Variants in MTUS2 observed in about 807,000 individuals in gnomAD.
MTUS2 encodes microtubule-associated tumor suppressor candidate 2.
MTUS2 carries 40 observed loss-of-function variants against 114.1 expected under a neutral mutation model. That is an observed-to-expected ratio of 0.35 (90% CI 0.27 to 0.46). The LOEUF (loss-of-function observed/expected upper bound fraction) is 0.46. Ranked by LOEUF, MTUS2 falls within the 20% of genes least tolerant of loss-of-function variation. The pLI is 1.00. For synonymous variants in MTUS2, 688 were observed against 672.0 expected (o/e 1.02, Z -0.37); for missense variants, 1,679 against 1,705.4 (o/e 0.98, Z 0.27).
intron 2 of MTUS2, among the ~76,000 whole-genome samples, chr13:29,009,563 C>T (rs952444835): frequency 1.3e-5 from 2 of 151,868 alleles, no homozygotes; most frequent in East Asian, 3.9e-4. Context: ...GCTAGTGGCT[C>T]GGGGAGAATA....
At chr13:28,887,041 G>C (rs1878631504) in intron 2 of MTUS2, among the ~76,000 whole-genome samples, 1 of 152,206 alleles carries the variant, frequency 6.6e-6, no homozygotes, top group South Asian at 2.1e-4. Context: ...TGTTGACAAC[G>C]TGAGGTTCGA....
intron 10 of MTUS2, chr13:29,487,568 C>T (rs1881715552): frequency 3.5e-6 from 1 of 286,422 alleles, no homozygotes; most frequent in Non-Finnish European, 6.6e-6. Context: ...TTTTCTTTTC[C>T]TTTGCCGTCA....
intron 4 of MTUS2, among the ~76,000 whole-genome samples, chr13:29,036,499 G>A (rs895481231): frequency 4.6e-5 from 7 of 152,172 alleles, no homozygotes; most frequent in African/African-American, 1.7e-4. Context: ...GATTGGGGTG[G>A]AGAGTTCTGT....
intron 15 of MTUS2, 96 bp downstream of exon 15, chr13:29,501,290 C>T: frequency 1.1e-6 from 1 of 891,580 alleles, no homozygotes; most frequent in South Asian, 1.5e-5. Context: ...GTGAGTCTTT[C>T]CCCACAGTCT....
Position 29,503,255 on chromosome 13 carries a change from CACCCTGAGGGAGCACCG to C in MTUS2, c.*54_*70del, listed in dbSNP as rs1883028387. The C allele has an allele frequency of 6.3e-7, 1 of 1,595,810 alleles. No individual in the cohort carries two copies. Among genetic ancestry groups the C allele is most frequent in the African/African-American group, 1.3e-5 (1 of 74,674 alleles). The stretch of plus-strand genomic sequence containing the variant: ...CTCCGGCTTCTCGTCCTCCGGTCTC[CACCCTGAGGGAGCACCG>C]ACCCGGTGCCGCCGGAGCTGGCCCT... On this transcript the variant is annotated 3_prime_UTR_variant, in exon 16 of 16. Coordinates refer to ENST00000612955, the MANE Select transcript of MTUS2 (RefSeq NM_001033602.4).
chr13:29,343,164 G>A (rs4310714), intron 7 of MTUS2, among the ~76,000 whole-genome samples: 122,355 of 151,878 alleles, frequency 0.81, 50,311 homozygotes, highest in East Asian at 0.9. Flanking sequence ...TAGGGTGATA[G>A]TGGCTTCATA....
chr13:29,048,100 T>C (rs1223383411), intron 4 of MTUS2, among the ~76,000 whole-genome samples: 2 of 152,246 alleles, frequency 1.3e-5, no homozygotes, highest in African/African-American at 2.4e-5. Context: ...CTATCATTAA[T>C]GCTGCTATGA....
intron 4 of MTUS2, among the ~76,000 whole-genome samples, chr13:29,056,135 TCCTATGTGCAGAATGG>T (rs1437544052): frequency 6.6e-6 from 1 of 151,984 alleles, no homozygotes; most frequent in African/African-American, 2.4e-5. Context: ...CTTTGCCAGG[TCCTATGTGCAGAATGG>T]CATTTCCTCC....
chr13:29,253,044 T>C (rs1211088907), intron 5 of MTUS2, among the ~76,000 whole-genome samples: 1 of 151,806 alleles, frequency 6.6e-6, no homozygotes, highest in East Asian at 1.9e-4. Flanking sequence ...TAAAGGTGTC[T>C]CTTTGGGACT....
At chr13:29,389,165 T>G (rs186535869) in intron 8 of MTUS2, among the ~76,000 whole-genome samples, 3 of 149,674 alleles carry the variant, frequency 2.0e-5, no homozygotes, top group Admixed American at 1.3e-4. Flanking sequence ...CCAAAGATTG[T>G]TTTGACTATA....
intron 8 of MTUS2, among the ~76,000 whole-genome samples, chr13:29,408,258 G>T: frequency 6.6e-6 from 1 of 151,504 alleles, no homozygotes; most frequent in Non-Finnish European, 1.5e-5. Flanking sequence ...CCCTAAACAG[G>T]GCATAATGAT....
rs1281136677 is a variant in MTUS2, at chr13:29,148,483, T to C, written c.2644+47513T>C. ...CTGTGTTTGGTTTTCTTTTTTTTTTTTTTTTTTTTTTTTGAGACGGAGTCT... is the reference window on the plus strand; with the variant it reads ...CTGTGTTTGGTTTTCTTTTTTTTTTCTTTTTTTTTTTTTGAGACGGAGTCT... On this transcript the variant is annotated intron_variant, in intron 5 of 15. Coordinates refer to ENST00000612955, the MANE Select transcript of MTUS2 (RefSeq NM_001033602.4). Among the ~76,000 whole-genome samples, 22 of 116,744 alleles carry C rather than the reference T, an allele frequency of 1.9e-4. 2 individuals are homozygous for C. Among genetic ancestry groups the C allele is most frequent in the African/African-American group, 6.2e-4 (22 of 35,242 alleles). The allele number at this position is 116,744 out of a possible 152,430, so 76.6% of individuals were successfully genotyped here.
intron 9 of MTUS2, among the ~76,000 whole-genome samples, chr13:29,468,721 A>T (rs1880062330): frequency 6.6e-6 from 1 of 151,884 alleles, no homozygotes; most frequent in Non-Finnish European, 1.5e-5. Context: ...CTAGTAAATC[A>T]GGGGGAAAAT....
At chr13:29,296,874 T>C (rs910890112) in intron 6 of MTUS2, among the ~76,000 whole-genome samples, 1 of 152,116 alleles carries the variant, frequency 6.6e-6, no homozygotes, top group Admixed American at 6.6e-5. Context: ...CATTTGCAAT[T>C]TTTTTCTCCC....
At chr13:28,993,616 TC>T (rs1294596135) in intron 2 of MTUS2, among the ~76,000 whole-genome samples, 1 of 152,130 alleles carries the variant, frequency 6.6e-6, no homozygotes, top group Non-Finnish European at 1.5e-5. Context: ...CCAGTTTCAT[TC>T]TTTTGCATAT....
intron 8 of MTUS2, among the ~76,000 whole-genome samples, chr13:29,437,966 A>G (rs1478428737): frequency 1.3e-5 from 2 of 151,756 alleles, no homozygotes; most frequent in South Asian, 4.1e-4. Flanking sequence ...AAAAAAAAGT[A>G]TAAGACTGAT....
At chr13:29,272,979 G>T (rs1897933420) in intron 5 of MTUS2, among the ~76,000 whole-genome samples, 1 of 151,566 alleles carries the variant, frequency 6.6e-6, no homozygotes, top group African/African-American at 2.4e-5. Context: ...AAGGAATGTG[G>T]AAACAGGGAG....
chr13:29,497,128 C>T (rs71434730), intron 12 of MTUS2, 110 bp from the exon 13 acceptor site: 28,173 of 919,736 alleles, frequency 0.031, 531 homozygotes, highest in Non-Finnish European at 0.037. Flanking sequence ...AAGGGAAACA[C>T]TCTGAGGATG....
At chr13:29,045,233 T>C (rs1001044541) in intron 4 of MTUS2, among the ~76,000 whole-genome samples, 1 of 152,172 alleles carries the variant, frequency 6.6e-6, no homozygotes, top group Non-Finnish European at 1.5e-5. Flanking sequence ...ACAAATACCA[T>C]AGATTGGGTG....
Sources: gnomAD v4.1 joint callset for allele counts (sites outside exome capture counted in the v4.1 genomes callset) on GRCh38, gnomAD v4.1.1 for gene constraint, MANE v1.5 for transcripts, NCBI Gene and HGNC (gene_info 2026-07-23, HGNC 2026-07-21) for gene names.